Variants in ASPG observed in about 807,000 individuals in gnomAD.
ASPG encodes asparaginase.
Under a neutral mutation model 63.2 loss-of-function variants are expected in ASPG, and 53 were observed. That is an observed-to-expected ratio of 0.84 (90% CI 0.67 to 1.05). The LOEUF is 1.05. Among genes scored for constraint, ASPG ranks in the 50% least tolerant of loss-of-function variants. The pLI is 0.00. For synonymous variants in ASPG, 370 were observed against 355.0 expected, an observed-to-expected ratio of 1.04 and a Z score of -0.48; for missense variants, 741 against 794.4, an observed-to-expected ratio of 0.93 and a Z score of 0.81.
chr14:104,102,595 G>T (rs1157757813), intron 6 of ASPG, among the ~76,000 whole-genome samples: 3 of 152,204 alleles, frequency 2.0e-5, no homozygotes, highest in Admixed American at 6.5e-5. Flanking sequence ...GGAGTCCCCA[G>T]TGTCCAGCCC....
intron 12 of ASPG, chr14:104,108,495 G>A (rs951396912): frequency 2.0e-6 from 2 of 985,458 alleles, no homozygotes; most frequent in East Asian, 1.1e-4. Flanking sequence ...CCTGAGTGGG[G>A]TATGGGGAGG....
intron 6 of ASPG, among the ~76,000 whole-genome samples, chr14:104,099,757 T>C (rs2141014904): frequency 6.6e-6 from 1 of 152,316 alleles, no homozygotes; most frequent in East Asian, 1.9e-4. Context: ...CTGCCTGCCC[T>C]GGCCCCCTGC....
chr14:104,105,515 G>A, intron 10 of ASPG, 65 bp downstream of exon 10: 1 of 1,477,980 alleles, frequency 6.8e-7, no homozygotes. Flanking sequence ...GTCACCCTGG[G>A]ATGCACCAGG....
At chr14:104,086,434 C>G (rs1299457550) in intron 1 of ASPG, among the ~76,000 whole-genome samples, 1 of 152,208 alleles carries the variant, frequency 6.6e-6, no homozygotes, top group African/African-American at 2.4e-5. Context: ...GACCAGAGAC[C>G]AGCGATTGCG....
chr14:104,104,636 C>T lies in ASPG; in HGVS notation c.951C>T (p.Ala317=), dbSNP rs371169067. ...CCTCCTCACAGGCCATGGCGGGAGCCGGCGTCATCTCAGGCTTCGACATGA... is the reference window on the plus strand; with the variant it reads ...CCTCCTCACAGGCCATGGCGGGAGCTGGCGTCATCTCAGGCTTCGACATGA... ...DYAAGMAMAG[A]GVISGFDMTS... Residue 317 remains alanine (A), a synonymous_variant, in exon 9 of 16, where the codon GCC becomes GCT. Transcript: ENST00000551177. The T allele has an allele frequency of 2.1e-5, 34 of 1,609,080 alleles. No homozygotes were observed. Among genetic ancestry groups the T allele is most frequent in the African/African-American group, 8.0e-5 (6 of 74,892 alleles).
chr14:104,111,016 A>G (rs1183593814), intron 13 of ASPG: 5 of 985,256 alleles, frequency 5.1e-6, no homozygotes, highest in Admixed American at 1.2e-4. Context: ...TCTCTGAACC[A>G]CTGGGCTGCC....
chr14:104,108,443 C>CT lies in ASPG; in HGVS notation c.1434-786_1434-785insT, dbSNP rs2037241339. ...CCCAACCGGTCTCCCAGCCTCGCTCCGCTGCCAGGCTCCCTGAGGCCGCCT... is the reference window on the plus strand; with the variant it reads ...CCCAACCGGTCTCCCAGCCTCGCTCCTGCTGCCAGGCTCCCTGAGGCCGCCT... On this transcript the variant is annotated intron_variant, in intron 12 of 15. Coordinates refer to ENST00000551177, the MANE Select transcript of ASPG (RefSeq NM_001080464.3). 5.1e-6 allele frequency: 5 copies of CT among 985,292 alleles called. No individual in the cohort carries two copies. In the South Asian group the frequency reaches 1.9e-4, roughly 37 times the overall value. The allele number at this position is 985,292 out of a possible 1,614,324, so 61.0% of individuals were successfully genotyped here. A position where few individuals can be genotyped will look rare whatever the true frequency, so the allele number is the denominator to read the frequency against.
rs372555051 is a variant in ASPG, at chr14:104,095,518, G to T, written c.304-13G>T. On this transcript the variant is annotated splice_polypyrimidine_tract_variant and intron_variant, in intron 3 of 15. Transcript: ENST00000551177. ...GAGGGGCTGGCCTGCCTGAGCATGC[G>T]CCCCTCCTGCAGAGGCACTACGAGC... 1 of 1,612,274 alleles carries T rather than the reference G, an allele frequency of 6.2e-7. No homozygotes were observed. The highest frequency in any genetic ancestry group is 1.1e-5 in the South Asian group (1 of 91,074).
rs57482608 is a variant in ASPG, at chr14:104,091,323, G to C, written c.83-1310G>C. Among the ~76,000 whole-genome samples, 1,913 of 152,168 alleles carry C rather than the reference G, an allele frequency of 0.013. 43 individuals are homozygous for C. The highest frequency in any genetic ancestry group is 0.044 in the African/African-American group (1,809 of 41,508). On this transcript the variant is annotated intron_variant, in intron 1 of 15. Transcript: ENST00000551177. The surrounding 1 kb of genome is among the most constrained non-coding windows in gnomAD (Gnocchi z 6.4). ...GCTGGTGAATCCAGACCTTTGTTCC[G>C]GCAGCCCGTGTCCTGGCTGTGCTCT... is the stretch of plus-strand genomic sequence containing the variant.
rs189078183 is a variant in ASPG, at chr14:104,109,430, C to T, written c.1520+115C>T. On this transcript the variant is annotated intron_variant, in intron 13 of 15. Coordinates refer to ENST00000551177, the MANE Select transcript of ASPG (RefSeq NM_001080464.3). The surrounding 1 kb of genome is among the most constrained non-coding windows in gnomAD (Gnocchi z 4.8). ...GTCAGGGTGTGGGGGCTTTCAGAGG[C>T]GAGGCCCGCTGACCTCAGTGTGCAC... is the stretch of plus-strand genomic sequence containing the variant. 1,965 of 1,188,172 alleles carry T rather than the reference C, an allele frequency of 1.7e-3. 5 individuals are homozygous for T. Among genetic ancestry groups the T allele is most frequent in the Non-Finnish European group, 2.1e-3 (1,831 of 859,556 alleles). 73.6% of individuals were successfully genotyped at this position (1,188,172 alleles called of 1,614,324 possible). A position where few individuals can be genotyped will look rare whatever the true frequency, so the allele number is the denominator to read the frequency against.
At chr14:104,102,480 G>A (rs896839200) in intron 6 of ASPG, among the ~76,000 whole-genome samples, 12 of 152,108 alleles carry the variant, frequency 7.9e-5, no homozygotes, top group Admixed American at 2.0e-4. Context: ...CTCTCCAGGC[G>A]CCCAGGCCCT....
chr14:104,097,443 A>G, intron 4 of ASPG, 111 bp from the exon 5 acceptor site: 1 of 1,091,880 alleles, frequency 9.2e-7, no homozygotes, highest in Non-Finnish European at 1.3e-6. Flanking sequence ...TCTTTCCCAC[A>G]CCCGCCTGGG....
In ASPG at chr14:104,110,801, C is replaced by T. The variant is rs2037351854; in HGVS notation, c.1521-701C>T. 2.0e-6 allele frequency: 2 copies of T among 985,308 alleles called. No individual in the cohort carries two copies. Among genetic ancestry groups the T allele is most frequent in the Non-Finnish European group, 1.2e-6 (1 of 829,828 alleles). 61.0% of individuals were successfully genotyped at this position (985,308 alleles called of 1,614,324 possible). On this transcript the variant is annotated intron_variant, in intron 13 of 15. Transcript: ENST00000551177. The surrounding 1 kb of genome is among the most constrained non-coding windows in gnomAD (Gnocchi z 4.7). ...GGTGGAGCCTTCCCTGCCGGGTCCC[C>T]ACCTGGCCTGCTCCTGGCCTCCCCA...
intron 13 of ASPG, chr14:104,111,160 T>C (rs1018973277): frequency 1.0e-6 from 1 of 985,346 alleles, no homozygotes; most frequent in Non-Finnish European, 1.2e-6. Context: ...CATGTGTGTG[T>C]GCACATATGC....
At chr14:104,094,154 G>C (rs1350849954) in intron 3 of ASPG, among the ~76,000 whole-genome samples, 3 of 152,008 alleles carry the variant, frequency 2.0e-5, no homozygotes, top group African/African-American at 7.3e-5. Context: ...ATGCAAGCTG[G>C]GGGTGGGCGT....
At chr14:104,108,313 C>G (rs1047469211) in intron 12 of ASPG, 1 of 762,086 alleles carries the variant, frequency 1.3e-6, no homozygotes, top group African/African-American at 1.9e-5. Flanking sequence ...ACTGGAGCTT[C>G]TAGACTGGGC....
intron 1 of ASPG, among the ~76,000 whole-genome samples, chr14:104,086,299 G>C (rs529079788): frequency 2.6e-5 from 4 of 152,294 alleles, no homozygotes; most frequent in African/African-American, 9.6e-5. Context: ...CCGTCCCCTG[G>C]GGTCCTGGTC....
At position 104,092,626 on chromosome 14, in the gene ASPG, C is replaced by T. The variant is rs1381702898; in HGVS notation, c.83-7C>T. The T allele has an allele frequency of 3.3e-6, 5 of 1,533,870 alleles. No individual in the cohort carries two copies. In the African/African-American group the frequency reaches 4.1e-5, roughly 13 times the overall value. ...GACCCCAGCATCCACCTGGACTCTG[C>T]CTGCAGTGCTTGTGCCCGGGACGGG... On this transcript the variant is annotated splice_polypyrimidine_tract_variant and splice_region_variant and intron_variant, in intron 1 of 15. Coordinates refer to ENST00000551177, the MANE Select transcript of ASPG (RefSeq NM_001080464.3).
intron 1 of ASPG, 71 bp from the exon 2 acceptor site, chr14:104,092,562 C>T: frequency 1.5e-6 from 2 of 1,293,528 alleles, no homozygotes; most frequent in Non-Finnish European, 2.2e-6. Context: ...TGGTCCTGCC[C>T]CTCAGTGAGG....
Sources: allele counts gnomAD v4.1 joint callset (sites outside exome capture counted in the v4.1 genomes callset), GRCh38; gene constraint gnomAD v4.1.1; non-coding constraint Gnocchi (gnomAD v3.1); transcripts MANE v1.5; gene names NCBI Gene and HGNC (gene_info 2026-07-23, HGNC 2026-07-21).